The following BCL2L11 variants were observed in gnomAD, a reference collection of about 807,000 sequenced individuals.
BCL2L11 encodes the protein bcl-2-like protein 11.
A neutral mutation model predicts 20.6 loss-of-function variants in BCL2L11; 15 were observed. That is an observed-to-expected ratio of 0.73 (90% CI 0.49 to 1.12). The LOEUF is 1.12. Among genes scored for constraint, BCL2L11 ranks in the 50% most tolerant of loss-of-function variants. The probability of loss-of-function intolerance (pLI) is 0.00; values close to 1 mark genes in which losing one functional copy is unlikely to be tolerated. For missense variants in BCL2L11, 292 were observed against 260.9 expected (o/e 1.12, Z -0.82); for synonymous variants, 108 against 92.8 (o/e 1.16, Z -0.94).
At chr2:111,162,404 C>T (rs760898881) in intron 3 of BCL2L11, among the ~76,000 whole-genome samples, 1 of 152,218 alleles carries the variant, frequency 6.6e-6, no homozygotes, top group Admixed American at 6.5e-5. Flanking sequence ...TTTCCCCACC[C>T]TCTCCAACAT....
chr2:111,147,006 T>A (rs1365478164), intron 2 of BCL2L11, among the ~76,000 whole-genome samples: 1 of 152,202 alleles, frequency 6.6e-6, no homozygotes, highest in Non-Finnish European at 1.5e-5. Context: ...TAGTGATAGG[T>A]GCTAGTTAGA....
chr2:111,133,436 T>C (rs1226606982), intron 2 of BCL2L11, among the ~76,000 whole-genome samples: 1 of 152,250 alleles, frequency 6.6e-6, no homozygotes, highest in Non-Finnish European at 1.5e-5. Context: ...TTCATTTTCA[T>C]TGAGTTCTGT....
At chr2:111,153,295 C>T (rs2150526865) in intron 3 of BCL2L11, among the ~76,000 whole-genome samples, 1 of 152,234 alleles carries the variant, frequency 6.6e-6, no homozygotes, top group East Asian at 1.9e-4. Context: ...AGGAGAATTG[C>T]TTGAACCTGG....
At chr2:111,139,714 AC>A (rs1208322792) in intron 2 of BCL2L11, among the ~76,000 whole-genome samples, 1 of 152,204 alleles carries the variant, frequency 6.6e-6, no homozygotes, top group Admixed American at 6.5e-5. Context: ...ACCCGGTTTA[AC>A]CCGTTTGTAA....
At chr2:111,147,339 C>G (rs1559064162) in intron 2 of BCL2L11, among the ~76,000 whole-genome samples, 1 of 134,710 alleles carries the variant, frequency 7.4e-6, no homozygotes, top group Non-Finnish European at 1.6e-5. Context: ...CTCTCTCTCT[C>G]TCTCTCTCAC....
chr2:111,148,977 A>G (rs1334529812), intron 2 of BCL2L11, among the ~76,000 whole-genome samples: 1 of 152,192 alleles, frequency 6.6e-6, no homozygotes, highest in Non-Finnish European at 1.5e-5. Context: ...CTATTATCGT[A>G]GGTTTTTACC....
At chr2:111,131,395 A>G (rs1324109348) in intron 2 of BCL2L11, 1 of 152,016 alleles carries the variant, frequency 6.6e-6, no homozygotes, top group African/African-American at 2.4e-5. Flanking sequence ...TATGAATGTG[A>G]AAAGTATTTG....
In BCL2L11 at chr2:111,167,370, A is replaced by C. The variant is rs1302255828; in HGVS notation, c.*3139A>C. 6.6e-6 allele frequency: 1 copy of C among 152,144 alleles called. No homozygotes were observed. Among genetic ancestry groups the C allele is most frequent in the East Asian group, 1.9e-4 (1 of 5,194 alleles). 9.4% of individuals were successfully genotyped at this position (152,144 alleles called of 1,614,324 possible). A position where few individuals can be genotyped will look rare whatever the true frequency, so the allele number is the denominator to read the frequency against. On this transcript the variant is annotated 3_prime_UTR_variant, in exon 4 of 4. Coordinates refer to ENST00000393256, the MANE Select transcript of BCL2L11 (RefSeq NM_138621.5). Reference sequence around the variant, plus strand: ...TCAGTCTGGCAGGCTACAAAATTCTACTCCAAGAAATACCCAGCAACCTTC... The same window carrying C: ...TCAGTCTGGCAGGCTACAAAATTCTCCTCCAAGAAATACCCAGCAACCTTC...
Position 111,167,795 on chromosome 2 carries a change from T to TA in BCL2L11, c.*3565dup, listed in dbSNP as rs994896494. 5 of 152,714 alleles carry TA rather than the reference T, an allele frequency of 3.3e-5. No homozygotes were observed. Among genetic ancestry groups the TA allele is most frequent in the Admixed American group, 1.3e-4 (2 of 15,280 alleles). 9.5% of individuals were successfully genotyped at this position (152,714 alleles called of 1,614,324 possible). ...TACAGCCCTCCCCACGCCCCACCCA[T>TA]ACGGTCACTGCATTTGGTCAGCCTG... On this transcript the variant is annotated 3_prime_UTR_variant, in exon 4 of 4. Transcript: ENST00000393256.
intron 3 of BCL2L11, 63 bp downstream of exon 3, chr2:111,150,210 T>A (rs1421865239): frequency 2.6e-6 from 4 of 1,567,008 alleles, no homozygotes; most frequent in Non-Finnish European, 3.5e-6. Flanking sequence ...TATATTTTTT[T>A]AAAAAGACAG....
chr2:111,148,249 G>C (rs923282513), intron 2 of BCL2L11, among the ~76,000 whole-genome samples: 2 of 152,130 alleles, frequency 1.3e-5, no homozygotes, highest in Non-Finnish European at 2.9e-5. Context: ...TGTGCATATG[G>C]GTAGGCACAC....
intron 2 of BCL2L11, among the ~76,000 whole-genome samples, chr2:111,139,717 C>T (rs1013110270): frequency 6.6e-6 from 1 of 152,174 alleles, no homozygotes; most frequent in African/African-American, 2.4e-5. Flanking sequence ...CGGTTTAACC[C>T]GTTTGTAAGA....
At chr2:111,159,665 A>G (rs1172829202) in intron 3 of BCL2L11, among the ~76,000 whole-genome samples, 3 of 152,258 alleles carry the variant, frequency 2.0e-5, no homozygotes, top group African/African-American at 4.8e-5. Context: ...TTAGAATGTC[A>G]TTAAATTCCC....
chr2:111,120,975 C>G lies in BCL2L11; in HGVS notation c.-227C>G, dbSNP rs1574827674. 1 of 283,886 alleles carries G rather than the reference C, an allele frequency of 3.5e-6. No homozygotes were observed. Among genetic ancestry groups the G allele is most frequent in the Middle Eastern group, 8.1e-4 (1 of 1,230 alleles). 17.6% of individuals were successfully genotyped at this position (283,886 alleles called of 1,614,324 possible). A position where few individuals can be genotyped will look rare whatever the true frequency, so the allele number is the denominator to read the frequency against. ...TGGAGCTCTGCGTCCAGCGCCGCTG[C>G]CGCTGCCGCCGCCGCCGCCGCCGCC... On this transcript the variant is annotated 5_prime_UTR_variant, in exon 1 of 4. Transcript: ENST00000393256.
At chr2:111,127,689 G>A (rs2072972091) in intron 2 of BCL2L11, among the ~76,000 whole-genome samples, 1 of 152,078 alleles carries the variant, frequency 6.6e-6, no homozygotes, top group Non-Finnish European at 1.5e-5. Flanking sequence ...TTAATTACCT[G>A]GATCTAGCTG....
intron 3 of BCL2L11, 34 bp from the exon 4 acceptor site, chr2:111,164,099 G>GGAAAA: frequency 7.8e-7 from 1 of 1,274,732 alleles, no homozygotes; most frequent in Non-Finnish European, 1.1e-6. Context: ...CCAAATTAGG[G>GGAAAA]AGAAACTAAG....
Position 111,164,543 on chromosome 2 carries a change from C to T in BCL2L11, c.*312C>T, listed in dbSNP as rs1014183726. ...GTGTTTACATGCAGTGTGTTTTCCCCCTCACCTTCAATAAGGTTTTTCAAA... is the reference window on the plus strand; with the variant it reads ...GTGTTTACATGCAGTGTGTTTTCCCTCTCACCTTCAATAAGGTTTTTCAAA... On this transcript the variant is annotated 3_prime_UTR_variant, in exon 4 of 4. Transcript: ENST00000393256. The T allele has an allele frequency of 9.1e-6, 2 of 220,030 alleles. No individual in the cohort carries two copies. Among genetic ancestry groups the T allele is most frequent in the Middle Eastern group, 1.6e-3 (1 of 634 alleles). 13.6% of individuals were successfully genotyped at this position (220,030 alleles called of 1,614,324 possible).
At position 111,128,694 on chromosome 2, in the gene BCL2L11, G is replaced by A. The variant is rs1220965563; in HGVS notation, c.394+4555G>A. Reference sequence around the variant, plus strand: ...GATTTATATTTACTGGCTTAGATTTGTATGGCCACCACCATAGTCAAGATA... The same window carrying A: ...GATTTATATTTACTGGCTTAGATTTATATGGCCACCACCATAGTCAAGATA... On this transcript the variant is annotated intron_variant, in intron 2 of 3. Coordinates refer to ENST00000393256, the MANE Select transcript of BCL2L11 (RefSeq NM_138621.5). 10 of 1,544,158 alleles carry A rather than the reference G, an allele frequency of 6.5e-6. No homozygotes were observed. The African/African-American group carries it at 1.1e-4, about 17-fold the overall frequency.
chr2:111,131,155 T>C (rs971249479), intron 2 of BCL2L11, among the ~76,000 whole-genome samples: 1 of 149,064 alleles, frequency 6.7e-6, no homozygotes, highest in African/African-American at 2.5e-5. Context: ...GTATTGATTC[T>C]TTTCTCAATG....
Sources: gnomAD v4.1 joint callset for allele counts (sites outside exome capture counted in the v4.1 genomes callset) on GRCh38, gnomAD v4.1.1 for gene constraint, MANE v1.5 for transcripts, NCBI Gene and HGNC (gene_info 2026-07-23, HGNC 2026-07-21) for gene names.